The following LRRTM3 variants were observed in gnomAD, a reference collection of about 807,000 sequenced individuals.
The protein encoded by LRRTM3 is leucine-rich repeat transmembrane neuronal protein 3.
LRRTM3 carries 24 observed loss-of-function variants against 44.7 expected under a neutral mutation model. The observed-to-expected ratio is 0.54, with a 90% CI of 0.39 to 0.76. The LOEUF (loss-of-function observed/expected upper bound fraction) is 0.76. Among genes scored for constraint, LRRTM3 ranks in the 30% least tolerant of loss-of-function variants. The pLI is 0.00. For missense variants in LRRTM3, 587 were observed against 702.2 expected (o/e 0.84, Z 1.85); for synonymous variants, 277 against 278.7 (o/e 0.99, Z 0.06).
At chr10:67,066,981 G>A (rs1265533580) in intron 2 of LRRTM3, among the ~76,000 whole-genome samples, 2 of 152,138 alleles carry the variant, frequency 1.3e-5, no homozygotes, top group Non-Finnish European at 2.9e-5. Context: ...TAATTTAACA[G>A]AGTGAAATTT....
rs559414713 is a variant in LRRTM3, at chr10:67,020,822, G to A, written c.1537-76765G>A. ...TATTTGATGGTTTCCTAATTAGTAG[G>A]GTTGGAACAGAGGGGCTTCAGATGA... On this transcript the variant is annotated intron_variant, in intron 2 of 2. Transcript: ENST00000361320. Among the ~76,000 whole-genome samples the A allele has an allele frequency of 2.6e-5, 4 of 152,236 alleles. No homozygotes were observed. The East Asian group carries it at 7.7e-4, about 29-fold the overall frequency.
At position 67,101,270 on chromosome 10, in the gene LRRTM3, TA is replaced by T. The variant is rs1238802846; in HGVS notation, c.*3478del. On this transcript the variant is annotated 3_prime_UTR_variant, in exon 3 of 3. Transcript: ENST00000361320. Reference sequence around the variant, plus strand: ...CTTCTAAATTGAGACTGCATAATTATAAAAGAGATCCATAGTACAGGGTTGA... The same window carrying T: ...CTTCTAAATTGAGACTGCATAATTATAAAGAGATCCATAGTACAGGGTTGA... Among the ~76,000 whole-genome samples, 1 of 151,724 alleles carries T rather than the reference TA, an allele frequency of 6.6e-6. No homozygotes were observed. The highest frequency in any genetic ancestry group is 1.5e-5 in the Non-Finnish European group (1 of 67,804).
chr10:67,001,116 CA>C (rs1851659016), intron 2 of LRRTM3, among the ~76,000 whole-genome samples: 1 of 151,632 alleles, frequency 6.6e-6, no homozygotes, highest in African/African-American at 2.4e-5. Context: ...TCCTGGCCAA[CA>C]TGATGAAACC....
intron 2 of LRRTM3, among the ~76,000 whole-genome samples, chr10:66,970,774 C>G (rs1055690892): frequency 2.6e-5 from 4 of 151,998 alleles, no homozygotes; most frequent in African/African-American, 7.3e-5. Flanking sequence ...AATGATTGCC[C>G]AAGTGATATT....
intron 2 of LRRTM3, among the ~76,000 whole-genome samples, chr10:66,947,203 G>C (rs1848315735): frequency 6.6e-6 from 1 of 151,972 alleles, no homozygotes; most frequent in Admixed American, 6.6e-5. Flanking sequence ...TCTTTCCAAG[G>C]TATGGCCCCA....
intron 2 of LRRTM3, among the ~76,000 whole-genome samples, chr10:67,074,342 C>CTTTTTTTTT (rs36186252): frequency 1.5e-5 from 1 of 68,726 alleles, no homozygotes; most frequent in African/African-American, 6.9e-5. Flanking sequence ...CACTTTAACT[C>CTTTTTTTTT]TTTTTTTTTT....
intron 2 of LRRTM3, among the ~76,000 whole-genome samples, chr10:66,990,865 G>A (rs1317105592): frequency 6.6e-6 from 1 of 152,128 alleles, no homozygotes; most frequent in Non-Finnish European, 1.5e-5. Flanking sequence ...GGCATCTTTA[G>A]CATGTCAATT....
intron 2 of LRRTM3, among the ~76,000 whole-genome samples, chr10:66,993,491 G>C (rs1222891692): frequency 6.6e-6 from 1 of 152,044 alleles, no homozygotes; most frequent in Non-Finnish European, 1.5e-5. Context: ...ATTCTGGCAG[G>C]ACAAGCCTTA....
intron 2 of LRRTM3, among the ~76,000 whole-genome samples, chr10:66,942,600 G>C (rs1848061505): frequency 6.6e-6 from 1 of 151,782 alleles, no homozygotes; most frequent in East Asian, 1.9e-4. Context: ...GTGTGTGTGT[G>C]TGTCTGCGTG....
At chr10:67,011,296 A>G (rs10822958) in intron 2 of LRRTM3, among the ~76,000 whole-genome samples, 135,879 of 150,496 alleles carry the variant, frequency 0.9, 61,776 homozygotes, top group South Asian at 0.97. Flanking sequence ...AGCCAAGATC[A>G]TGCCACTGCA....
chr10:67,069,407 C>G (rs758400441), intron 2 of LRRTM3, among the ~76,000 whole-genome samples: 1 of 151,954 alleles, frequency 6.6e-6, no homozygotes, highest in Non-Finnish European at 1.5e-5. Context: ...ACTCAAAAAA[C>G]GCTCATTGTA....
intron 2 of LRRTM3, among the ~76,000 whole-genome samples, chr10:66,974,763 T>C (rs1226025667): frequency 1.3e-5 from 2 of 152,222 alleles, no homozygotes; most frequent in Non-Finnish European, 2.9e-5. Flanking sequence ...CCCTAATGAC[T>C]AATGACATTG....
intron 2 of LRRTM3, among the ~76,000 whole-genome samples, chr10:67,045,228 C>T (rs1306010631): frequency 6.6e-6 from 1 of 152,098 alleles, no homozygotes; most frequent in Non-Finnish European, 1.5e-5. Context: ...GATTACTCTA[C>T]CAACATTTAT....
intron 2 of LRRTM3, among the ~76,000 whole-genome samples, chr10:66,973,255 A>G (rs1849825670): frequency 6.6e-6 from 1 of 152,192 alleles, no homozygotes; most frequent in South Asian, 2.1e-4. Flanking sequence ...TTGAGTAAAG[A>G]CTATAATGTA....
At chr10:66,973,616 TA>T (rs1172131352) in intron 2 of LRRTM3, among the ~76,000 whole-genome samples, 1 of 152,198 alleles carries the variant, frequency 6.6e-6, no homozygotes, top group Non-Finnish European at 1.5e-5. Context: ...ATAATTTTGT[TA>T]GACTATTAAA....
At chr10:67,095,302 C>T (rs932524518) in intron 2 of LRRTM3, among the ~76,000 whole-genome samples, 4 of 151,528 alleles carry the variant, frequency 2.6e-5, no homozygotes, top group Admixed American at 6.6e-5. Context: ...ATTCACGTTG[C>T]TTATAAGTTC....
intron 2 of LRRTM3, among the ~76,000 whole-genome samples, chr10:66,962,112 T>A (rs768266351): frequency 1.3e-5 from 2 of 152,102 alleles, no homozygotes; most frequent in Admixed American, 6.5e-5. Flanking sequence ...TGGGCTAGAG[T>A]GATCATTTAA....
chr10:67,099,977 G>T lies in LRRTM3; in HGVS notation c.*2181G>T, dbSNP rs951086131. 2 of 151,794 alleles carry T rather than the reference G, an allele frequency of 1.3e-5. No homozygotes were observed. Among genetic ancestry groups the T allele is most frequent in the South Asian group, 2.1e-4 (1 of 4,822 alleles). 9.4% of individuals were successfully genotyped at this position (151,794 alleles called of 1,614,324 possible). On this transcript the variant is annotated 3_prime_UTR_variant, in exon 3 of 3. Coordinates refer to ENST00000361320, the MANE Select transcript of LRRTM3 (RefSeq NM_178011.5). ...TTTTATTTATTATGTAAACCAAAAT[G>T]TCATTTGCAAGTTTTCTCATTAGAA...
At chr10:67,045,295 C>T (rs1854656115) in intron 2 of LRRTM3, among the ~76,000 whole-genome samples, 2 of 152,054 alleles carry the variant, frequency 1.3e-5, no homozygotes, top group Non-Finnish European at 2.9e-5. Flanking sequence ...CATCTTTGTT[C>T]CCAAGGAGTC....
Sources: gnomAD v4.1 joint callset for allele counts (sites outside exome capture counted in the v4.1 genomes callset) on GRCh38, gnomAD v4.1.1 for gene constraint, MANE v1.5 for transcripts, NCBI Gene and HGNC (gene_info 2026-07-23, HGNC 2026-07-21) for gene names.